The following AOPEP variants were observed in gnomAD, a reference collection of about 807,000 sequenced individuals.
The protein encoded by AOPEP is aminopeptidase O.
In AOPEP, 77 loss-of-function variants were observed where a neutral mutation model predicts 98.1. The observed-to-expected ratio is 0.78, with a 90% confidence interval of 0.65 to 0.95. The LOEUF (loss-of-function observed/expected upper bound fraction) is 0.95, where lower values mean the gene tolerates loss of function less well. Ranked by LOEUF, AOPEP falls within the 40% of genes least tolerant of loss-of-function variation. AOPEP has a pLI of 0.00. For missense variants in AOPEP, 1,024 were observed against 1,024.7 expected (o/e 1.00, Z 0.01); for synonymous variants, 346 against 365.3 (o/e 0.95, Z 0.60).
intron 13 of AOPEP, among the ~76,000 whole-genome samples, chr9:95,044,746 C>T (rs927832372): frequency 6.6e-6 from 1 of 152,050 alleles, no homozygotes; most frequent in Non-Finnish European, 1.5e-5. Flanking sequence ...GTTTCAGTCC[C>T]CAGCCAGAGA....
At chr9:95,122,667 G>C in the AOPEP span, among the ~76,000 whole-genome samples, 3 of 152,238 alleles carry the variant, frequency 2.0e-5, no homozygotes, top group South Asian at 6.2e-4. Context: ...TAGTGCCCAC[G>C]GCCAACATAG....
At chr9:94,773,858 C>A (rs993256041) in intron 3 of AOPEP, among the ~76,000 whole-genome samples, 1 of 152,096 alleles carries the variant, frequency 6.6e-6, no homozygotes, top group Non-Finnish European at 1.5e-5. Context: ...CTTGACCTGC[C>A]AGCCTCAATT....
chr9:94,741,342 G>T (rs907270344), intron 1 of AOPEP, among the ~76,000 whole-genome samples: 1 of 151,366 alleles, frequency 6.6e-6, no homozygotes, highest in East Asian at 1.9e-4. Context: ...GTGCGATCTC[G>T]GCTCACTGCA....
At chr9:95,106,196 C>T in the AOPEP span, among the ~76,000 whole-genome samples, 1 of 151,992 alleles carries the variant, frequency 6.6e-6, no homozygotes, top group Non-Finnish European at 1.5e-5. Flanking sequence ...CTTTGCCTTT[C>T]CCTGACCACT....
At chr9:94,924,407 A>G (rs2054015422) in intron 6 of AOPEP, among the ~76,000 whole-genome samples, 1 of 152,230 alleles carries the variant, frequency 6.6e-6, no homozygotes, top group Admixed American at 6.5e-5. Flanking sequence ...GTGTTGGAGT[A>G]CTGTGAAGAG....
chr9:95,105,727 C>T, the AOPEP span, among the ~76,000 whole-genome samples: 3 of 152,246 alleles, frequency 2.0e-5, no homozygotes, highest in Non-Finnish European at 4.4e-5. Flanking sequence ...CTAAGTGACT[C>T]ATACAACATC....
At chr9:95,001,185 T>C (rs946296404) in intron 11 of AOPEP, among the ~76,000 whole-genome samples, 2 of 152,230 alleles carry the variant, frequency 1.3e-5, no homozygotes, top group Admixed American at 1.3e-4. Flanking sequence ...GAATTTCTTC[T>C]TTGTCTAAGA....
At chr9:94,938,211 G>A (rs760463899) in intron 7 of AOPEP, among the ~76,000 whole-genome samples, 5 of 152,126 alleles carry the variant, frequency 3.3e-5, no homozygotes, top group Non-Finnish European at 5.9e-5. Context: ...TACATATCTC[G>A]CTTCTGACCC....
At chr9:94,925,269 G>C (rs569990230) in intron 6 of AOPEP, among the ~76,000 whole-genome samples, 16 of 152,206 alleles carry the variant, frequency 1.1e-4, no homozygotes, top group African/African-American at 2.7e-4. Flanking sequence ...GATTACAGGC[G>C]TGAGCCACCG....
intron 2 of AOPEP, among the ~76,000 whole-genome samples, chr9:94,768,005 C>T (rs1840004453): frequency 6.6e-6 from 1 of 152,120 alleles, no homozygotes; most frequent in African/African-American, 2.4e-5. Context: ...AAGAGGGTTG[C>T]TCACGTATAA....
chr9:95,049,119 C>G (rs2066119947), intron 13 of AOPEP: 1 of 152,172 alleles, frequency 6.6e-6, no homozygotes, highest in East Asian at 1.9e-4. Flanking sequence ...AGATGAGAAT[C>G]TATACTGTGA....
At chr9:94,782,897 C>T (rs1843607162) in intron 3 of AOPEP, among the ~76,000 whole-genome samples, 2 of 152,174 alleles carry the variant, frequency 1.3e-5, no homozygotes, top group Non-Finnish European at 2.9e-5. Flanking sequence ...GCTTACTGTA[C>T]ACGACATATG....
chr9:95,145,799 C>T, the AOPEP span, among the ~76,000 whole-genome samples: 1 of 152,166 alleles, frequency 6.6e-6, no homozygotes, highest in Non-Finnish European at 1.5e-5. Flanking sequence ...CAGAGGCACG[C>T]ACCCTTTATC....
chr9:95,022,266 CAG>C (rs1174606023), intron 13 of AOPEP: 1 of 152,176 alleles, frequency 6.6e-6, no homozygotes, highest in South Asian at 2.1e-4. Flanking sequence ...AAGAATAAAA[CAG>C]AAAGTGCCTC....
At chr9:95,120,442 T>A in the AOPEP span, among the ~76,000 whole-genome samples, 52 of 151,182 alleles carry the variant, frequency 3.4e-4, no homozygotes, top group African/African-American at 1.2e-3. Flanking sequence ...TAAGACAGCA[T>A]CTCGCCCTGT....
At chr9:95,116,945 A>T in the AOPEP span, among the ~76,000 whole-genome samples, 2 of 152,256 alleles carry the variant, frequency 1.3e-5, no homozygotes, top group African/African-American at 4.8e-5. Context: ...CAGAGTAGAA[A>T]GAATGAAAAG....
rs749296411 is a variant in AOPEP, at chr9:94,924,093, G to A, written c.1472G>A (p.Gly491Glu). 1.3e-6 allele frequency: 2 copies of A among 1,517,748 alleles called. No homozygotes were observed. 94.0% of individuals were successfully genotyped at this position (1,517,748 alleles called of 1,614,324 possible). A position where few individuals can be genotyped will look rare whatever the true frequency, so the allele number is the denominator to read the frequency against. Reference protein sequence around the residue: ...IAHAWFGLAIGARDWTEEWLS... With the variant: ...IAHAWFGLAIEARDWTEEWLS... ...CATGCCTGGTTTGGCCTAGCCATCG[G>A]GGCCCGAGACTGGACGGAGGAGTGG... The change falls in exon 6 of 17, where the codon GGG (glycine) becomes GAG (glutamate). Residue 491 changes from glycine to glutamate, a missense_variant. This residue lies in a region of AOPEP where 566 missense variants were observed against 551.7 expected (regional missense o/e 1.03). Coordinates refer to ENST00000375315, the MANE Select transcript of AOPEP (RefSeq NM_001193329.3).
At chr9:94,967,726 C>T (rs2059296293) in intron 9 of AOPEP, 32 bp from the exon 10 acceptor site, 1 of 1,588,138 alleles carries the variant, frequency 6.3e-7, no homozygotes, top group Non-Finnish European at 8.6e-7. Context: ...TATTGATGGA[C>T]ATCTTTAATG....
intron 11 of AOPEP, among the ~76,000 whole-genome samples, chr9:95,002,595 A>G (rs2061636577): frequency 6.6e-6 from 1 of 152,246 alleles, no homozygotes; most frequent in Admixed American, 6.5e-5. Flanking sequence ...CTTTCTGCTC[A>G]GTTTTTCTAT....
Sources: allele counts gnomAD v4.1 joint callset (sites outside exome capture counted in the v4.1 genomes callset), GRCh38; gene constraint gnomAD v4.1.1; regional missense constraint gnomAD v4.1.1; transcripts MANE v1.5; gene names NCBI Gene and HGNC (gene_info 2026-07-23, HGNC 2026-07-21).